Variants in NLN observed in about 807,000 individuals in gnomAD.
The protein encoded by NLN is neurolysin, mitochondrial.
NLN carries 64 observed loss-of-function variants against 79.9 expected under a neutral mutation model. The ratio of observed to expected loss-of-function variants is 0.80; its 90% CI spans 0.65 to 0.99. The LOEUF is 0.99. NLN is among the 50% of genes least tolerant of loss of function. NLN has a pLI of 0.00. For missense variants in NLN, 835 were observed against 858.7 expected, an observed-to-expected ratio of 0.97 and a Z score of 0.34; for synonymous variants, 267 against 296.6, an observed-to-expected ratio of 0.90 and a Z score of 1.02.
chr5:65,796,274 T>A (rs912807577), intron 9 of NLN, among the ~76,000 whole-genome samples: 1 of 152,226 alleles, frequency 6.6e-6, no homozygotes, highest in African/African-American at 2.4e-5. Context: ...ATCATATGCT[T>A]ACCATGTATT....
chr5:65,789,524 C>T (rs1235063763), intron 8 of NLN, among the ~76,000 whole-genome samples: 1 of 152,102 alleles, frequency 6.6e-6, no homozygotes, highest in Non-Finnish European at 1.5e-5. Context: ...CACCTGTAAT[C>T]CCAGCATTTT....
chr5:65,808,516 A>G (rs993048767), intron 9 of NLN, among the ~76,000 whole-genome samples: 19 of 152,312 alleles, frequency 1.2e-4, no homozygotes, highest in African/African-American at 4.1e-4. Context: ...TTCTCTGCCA[A>G]TGGCAGTTTT....
intron 1 of NLN, among the ~76,000 whole-genome samples, chr5:65,734,905 A>G (rs78769451): frequency 0.019 from 2,872 of 152,330 alleles, 100 homozygotes; most frequent in African/African-American, 0.067. Context: ...CTCTGCCAAG[A>G]TACAAAATAG....
At chr5:65,785,405 C>T (rs1759897124) in intron 6 of NLN, among the ~76,000 whole-genome samples, 1 of 151,810 alleles carries the variant, frequency 6.6e-6, no homozygotes, top group South Asian at 2.1e-4. Context: ...TGTATTTTAC[C>T]ACAATAAAAA....
chr5:65,788,073 G>A, intron 7 of NLN, 45 bp from the exon 8 acceptor site: 2 of 1,578,242 alleles, frequency 1.3e-6, no homozygotes, highest in African/African-American at 2.7e-5. Context: ...GAGTATGCTT[G>A]CTTCCAAAAG....
intron 9 of NLN, among the ~76,000 whole-genome samples, chr5:65,806,833 G>T (rs1272699866): frequency 6.6e-6 from 1 of 152,200 alleles, no homozygotes; most frequent in Non-Finnish European, 1.5e-5. Flanking sequence ...AATCTTTCAT[G>T]AAAGGAAGAT....
Position 65,758,688 on chromosome 5 carries a change from G to A in NLN, c.163G>A (p.Glu55Lys). The A allele has an allele frequency of 1.2e-6, 2 of 1,613,790 alleles. No individual in the cohort carries two copies. The highest frequency in any genetic ancestry group is 1.7e-6 in the Non-Finnish European group (2 of 1,179,846). The change falls in exon 2 of 13, where the codon GAG (glutamate) becomes AAG (lysine). Residue 55 changes from glutamate (E) to lysine (K), a missense_variant. Coordinates refer to ENST00000380985, the MANE Select transcript of NLN (RefSeq NM_020726.5). ...RNVLRWDLSP[E>K]QIKTRTEELI... ...TGTTTTAAGATGGGATCTTTCACCA[G>A]AGCAAATTAAAACAAGAACTGAGGA...
chr5:65,798,493 T>A (rs1269262660), intron 9 of NLN, among the ~76,000 whole-genome samples: 1 of 152,222 alleles, frequency 6.6e-6, no homozygotes, highest in East Asian at 1.9e-4. Flanking sequence ...TGCATTTATT[T>A]ATTTCTAGGT....
intron 1 of NLN, among the ~76,000 whole-genome samples, chr5:65,755,338 T>C (rs1759195539): frequency 6.6e-6 from 1 of 152,230 alleles, no homozygotes; most frequent in Admixed American, 6.5e-5. Flanking sequence ...TTGGCATTTC[T>C]CACTATCCTT....
At chr5:65,789,566 C>T (rs1020714354) in intron 8 of NLN, among the ~76,000 whole-genome samples, 20 of 152,056 alleles carry the variant, frequency 1.3e-4, no homozygotes, top group Admixed American at 2.6e-4. Context: ...CACTTGAGGT[C>T]GGGAGTTCAA....
chr5:65,740,865 T>C, intron 1 of NLN: 1 of 163,014 alleles, frequency 6.1e-6, no homozygotes, highest in Non-Finnish European at 1.2e-5. Context: ...AATATATACG[T>C]AATTCTTTTT....
At chr5:65,730,117 T>C (rs1470394735) in intron 1 of NLN, among the ~76,000 whole-genome samples, 2 of 152,178 alleles carry the variant, frequency 1.3e-5, no homozygotes, top group East Asian at 1.9e-4. Context: ...GATATAGCAA[T>C]GAACAAAGCA....
rs1760852132 is a variant in NLN at position 65,823,724 on chromosome 5, T to C, written c.*809T>C. ...AATACTAAAGCAAGTCCAAGCACAT[T>C]TTTCTCTTCTCACGTTTCTAATAAG... is the stretch of plus-strand genomic sequence containing the variant. On this transcript the variant is annotated 3_prime_UTR_variant, in exon 13 of 13. Coordinates refer to ENST00000380985, the MANE Select transcript of NLN (RefSeq NM_020726.5). 1 of 152,078 alleles carries C rather than the reference T, an allele frequency of 6.6e-6. No homozygotes were observed. Among genetic ancestry groups the C allele is most frequent in the Non-Finnish European group, 1.5e-5 (1 of 68,028 alleles). The allele number at this position is 152,078 out of a possible 1,614,324, so 9.4% of individuals were successfully genotyped here. A position where few individuals can be genotyped will look rare whatever the true frequency, so the allele number is the denominator to read the frequency against.
intron 3 of NLN, among the ~76,000 whole-genome samples, chr5:65,773,375 C>T (rs1759612344): frequency 6.6e-6 from 1 of 152,002 alleles, no homozygotes; most frequent in East Asian, 1.9e-4. Context: ...TCAATTGATC[C>T]ACCCACCTCA....
chr5:65,827,911 G>C lies in NLN; in HGVS notation c.*4996G>C, dbSNP rs1226787622. 6.6e-6 allele frequency: 1 copy of C among 152,210 alleles called. No individual in the cohort carries two copies. Among genetic ancestry groups the C allele is most frequent in the Admixed American group, 6.5e-5 (1 of 15,278 alleles). The allele number at this position is 152,210 out of a possible 1,614,324, so 9.4% of individuals were successfully genotyped here. On this transcript the variant is annotated 3_prime_UTR_variant, in exon 13 of 13. Transcript: ENST00000380985. ...ACATGCCTGTACTCCCAGCTACTCA[G>C]GAGGCTGAGGCAGAAGAATCATTTG...
rs1199018225 is a variant in NLN, at chr5:65,825,391, C to T, written c.*2476C>T. 12 of 151,442 alleles carry T rather than the reference C, an allele frequency of 7.9e-5. No individual in the cohort carries two copies. The East Asian group carries it at 9.7e-4, about 12-fold the overall frequency. The allele number at this position is 151,442 out of a possible 1,614,324, so 9.4% of individuals were successfully genotyped here. ...TGATCCAGGGGATTTAGGCCTCTTT[C>T]GGGTTTTTTGTTTTTTTTTTAGGCA... On this transcript the variant is annotated 3_prime_UTR_variant, in exon 13 of 13. Transcript: ENST00000380985.
chr5:65,733,620 C>A lies in NLN; in HGVS notation c.41+11206C>A, dbSNP rs2150734311. The stretch of plus-strand genomic sequence containing the variant: ...CCCCTGCCCTTCCTGTGGCTCATGG[C>A]CATCTGAGAAAGTGGACCTCCATCT... On this transcript the variant is annotated intron_variant, in intron 1 of 12. Transcript: ENST00000380985. The A allele has an allele frequency of 4.0e-6, 6 of 1,496,714 alleles. 1 individual carries two copies. In the East Asian group the frequency reaches 1.4e-4, roughly 34 times the overall value. The allele number at this position is 1,496,714 out of a possible 1,614,324, so 92.7% of individuals were successfully genotyped here.
Position 65,753,493 on chromosome 5 carries a change from A to C in NLN, c.42-5074A>C, listed in dbSNP as rs200577014. The stretch of plus-strand genomic sequence containing the variant: ...GTGAAACCCCATCTCTAATAAAAAT[A>C]CAGAAAACTAGTCAGGCATGGTGGC... On this transcript the variant is annotated intron_variant, in intron 1 of 12. Transcript: ENST00000380985. Among the ~76,000 whole-genome samples the C allele has an allele frequency of 1.8e-4, 28 of 152,220 alleles. No individual in the cohort carries two copies. The East Asian group carries it at 5.2e-3, about 28-fold the overall frequency.
chr5:65,759,890 A>G (rs1759304113), intron 2 of NLN, among the ~76,000 whole-genome samples: 1 of 152,178 alleles, frequency 6.6e-6, no homozygotes, highest in South Asian at 2.1e-4. Context: ...TTCTGCCCTT[A>G]CATACATTAT....
Sources: allele counts gnomAD v4.1 joint callset (sites outside exome capture counted in the v4.1 genomes callset), GRCh38; gene constraint gnomAD v4.1.1; transcripts MANE v1.5; gene names NCBI Gene and HGNC (gene_info 2026-07-23, HGNC 2026-07-21).